The following EGFR variants were observed in gnomAD, a reference collection of about 807,000 sequenced individuals.
The protein encoded by EGFR is avian erythroblastic leukemia viral (v-erb-b) oncogene homolog.
A neutral mutation model predicts 143.0 loss-of-function variants in EGFR; 58 were observed. The observed-to-expected ratio is 0.41, with a 90% confidence interval of 0.33 to 0.50. EGFR has a LOEUF of 0.50. Among genes scored for constraint, EGFR ranks in the 20% least tolerant of loss-of-function variants. The probability of loss-of-function intolerance (pLI) is 0.39; values close to 1 mark genes in which losing one functional copy is unlikely to be tolerated. For synonymous variants in EGFR, 613 were observed against 594.4 expected, an observed-to-expected ratio of 1.03 and a Z score of -0.45; for missense variants, 1,307 against 1,579.0, an observed-to-expected ratio of 0.83 and a Z score of 2.92.
At chr7:55,061,647 T>TGAGA (rs760516597) in intron 1 of EGFR, among the ~76,000 whole-genome samples, 51 of 99,612 alleles carry the variant, frequency 5.1e-4, no homozygotes, top group Non-Finnish European at 8.6e-4. Flanking sequence ...TGTGTGTGTG[T>TGAGA]GTGAGAGAGA....
chr7:55,036,855 C>G (rs1787614729), intron 1 of EGFR, among the ~76,000 whole-genome samples: 1 of 152,104 alleles, frequency 6.6e-6, no homozygotes, highest in Admixed American at 6.6e-5. Flanking sequence ...CAGGCATTAA[C>G]CAACTGCAGA....
chr7:55,191,688 G>C, intron 20 of EGFR, 31 bp from the exon 21 acceptor site: 1 of 1,613,012 alleles, frequency 6.2e-7, no homozygotes, highest in Non-Finnish European at 8.5e-7. Context: ...ATGATGATCT[G>C]TCCCTCACAG....
At chr7:55,125,096 C>T (rs895670580) in intron 1 of EGFR, among the ~76,000 whole-genome samples, 15 of 152,324 alleles carry the variant, frequency 9.8e-5, no homozygotes, top group Admixed American at 7.8e-4. Flanking sequence ...GGGATGTCCC[C>T]GCTGCTGTGC....
intron 1 of EGFR, among the ~76,000 whole-genome samples, chr7:55,137,460 G>A (rs889332356): frequency 2.6e-5 from 4 of 152,176 alleles, no homozygotes; most frequent in Admixed American, 6.5e-5. Flanking sequence ...CCCCATAATA[G>A]CAGAGGAAGG....
intron 1 of EGFR, among the ~76,000 whole-genome samples, chr7:55,038,651 A>G (rs1004525448): frequency 1.3e-5 from 2 of 152,360 alleles, no homozygotes; most frequent in Non-Finnish European, 2.9e-5. Flanking sequence ...ATTTTTGTTT[A>G]TTCACATTGA....
chr7:55,131,579 C>T (rs1382560570), intron 1 of EGFR, among the ~76,000 whole-genome samples: 2 of 152,184 alleles, frequency 1.3e-5, no homozygotes, highest in African/African-American at 2.4e-5. Context: ...AAACCACAGG[C>T]GGGGCGGCTT....
intron 11 of EGFR, among the ~76,000 whole-genome samples, chr7:55,159,897 C>A (rs2128941098): frequency 6.6e-6 from 1 of 152,270 alleles, no homozygotes; most frequent in Non-Finnish European, 1.5e-5. Context: ...GCATTTTATT[C>A]ATCCTCCCCA....
chr7:55,063,296 G>C (rs146353504), intron 1 of EGFR, among the ~76,000 whole-genome samples: 278 of 152,108 alleles, frequency 1.8e-3, no homozygotes, highest in Middle Eastern at 3.4e-3. Flanking sequence ...CCTTGATCTC[G>C]TTTGAATCCT....
intron 13 of EGFR, among the ~76,000 whole-genome samples, chr7:55,162,100 A>T (rs999788431): frequency 6.6e-6 from 1 of 152,340 alleles, no homozygotes; most frequent in Non-Finnish European, 1.5e-5. Context: ...AGTACCAGGG[A>T]CTTTAAATAT....
At chr7:55,125,005 C>CA (rs574532067) in intron 1 of EGFR, among the ~76,000 whole-genome samples, 150 of 152,340 alleles carry the variant, frequency 9.8e-4, no homozygotes, top group African/African-American at 2.8e-3. Flanking sequence ...ACATGAGCGT[C>CA]ACCTGGGAAC....
At chr7:55,142,952 C>T (rs1794548173) in intron 2 of EGFR, among the ~76,000 whole-genome samples, 2 of 152,274 alleles carry the variant, frequency 1.3e-5, no homozygotes, top group Admixed American at 6.5e-5. Flanking sequence ...TTTCTTTTAC[C>T]TTTCCTTTTT....
intron 1 of EGFR, among the ~76,000 whole-genome samples, chr7:55,079,032 T>C (rs1240863643): frequency 6.6e-6 from 1 of 152,244 alleles, no homozygotes; most frequent in Non-Finnish European, 1.5e-5. Context: ...CAGGGAGTTC[T>C]CGTCCATTCC....
chr7:55,022,707 G>A (rs1424353015), intron 1 of EGFR, among the ~76,000 whole-genome samples: 1 of 152,228 alleles, frequency 6.6e-6, no homozygotes, highest in Non-Finnish European at 1.5e-5. Flanking sequence ...CACTGCCGTA[G>A]CACAGAATAC....
At chr7:55,056,247 C>T (rs1788811561) in intron 1 of EGFR, among the ~76,000 whole-genome samples, 1 of 152,146 alleles carries the variant, frequency 6.6e-6, no homozygotes, top group Non-Finnish European at 1.5e-5. Flanking sequence ...TAGTGAGCCT[C>T]TGTGTATGTG....
intron 3 of EGFR, among the ~76,000 whole-genome samples, chr7:55,144,082 A>ACT (rs1794624607): frequency 6.6e-6 from 1 of 152,182 alleles, no homozygotes; most frequent in South Asian, 2.1e-4. Flanking sequence ...ATTGTGCCTC[A>ACT]CTGTGCAGTG....
chr7:55,126,798 A>G (rs1315878497), intron 1 of EGFR, among the ~76,000 whole-genome samples: 5 of 152,260 alleles, frequency 3.3e-5, no homozygotes, highest in Non-Finnish European at 5.9e-5. Context: ...TGCAAACTAT[A>G]AAGTATTTTA....
rs567541728 is a variant in EGFR, at chr7:55,023,493, C to CA, written c.88+4136dup. 2.1e-3 allele frequency among the ~76,000 whole-genome samples: 316 copies of CA among 151,420 alleles called. 1 individual carries two copies. In the Middle Eastern group the frequency reaches 0.027, roughly 13 times the overall value. ...TGAAACCCAGTCTCTACTAAAAATA[C>CA]AAAAAAAATTAGCTGGGCGTGGTGG... is the stretch of plus-strand genomic sequence containing the variant. On this transcript the variant is annotated intron_variant, in intron 1 of 27. Transcript: ENST00000275493.
At chr7:55,056,726 G>A (rs554313238) in intron 1 of EGFR, among the ~76,000 whole-genome samples, 10 of 152,186 alleles carry the variant, frequency 6.6e-5, no homozygotes, top group African/African-American at 2.2e-4. Context: ...AGTGACTGAC[G>A]GAATGAAAAA....
chr7:55,053,059 G>A, intron 1 of EGFR, among the ~76,000 whole-genome samples: 1 of 152,112 alleles, frequency 6.6e-6, no homozygotes, highest in African/African-American at 2.4e-5. Context: ...AATGTTTTAG[G>A]GATCCAGATT....
Sources: allele counts gnomAD v4.1 joint callset (sites outside exome capture counted in the v4.1 genomes callset), GRCh38; gene constraint gnomAD v4.1.1; transcripts MANE v1.5; gene names NCBI Gene and HGNC (gene_info 2026-07-23, HGNC 2026-07-21).